WWOX: variants seen among roughly 807,000 people sequenced by gnomAD.
WWOX encodes WW domain-containing oxidoreductase.
WWOX carries 69 observed loss-of-function variants against 46.2 expected under a neutral mutation model. The ratio of observed to expected loss-of-function variants is 1.49; its 90% CI spans 1.23 to 1.82. The LOEUF (loss-of-function observed/expected upper bound fraction) is 1.82. Ranked by LOEUF, WWOX falls within the 40% of genes most tolerant of loss-of-function variation. The pLI, the probability that WWOX is intolerant of heterozygous loss-of-function variation, is 0.00. For synonymous variants in WWOX, 359 were observed against 202.6 expected (o/e 1.77, Z -6.56); for missense variants, 919 against 542.6 (o/e 1.69, Z -6.89).
chr16:78,801,578 C>G (rs565201441), intron 8 of WWOX, among the ~76,000 whole-genome samples: 37 of 152,262 alleles, frequency 2.4e-4, no homozygotes, highest in African/African-American at 8.2e-4. Flanking sequence ...TTGAATGCAG[C>G]CAAAGTCCTT....
At chr16:79,068,871 C>G (rs552354626) in intron 8 of WWOX, among the ~76,000 whole-genome samples, 4 of 147,384 alleles carry the variant, frequency 2.7e-5, no homozygotes, top group Non-Finnish European at 6.0e-5. Flanking sequence ...ATAAAGAAAG[C>G]GAGAGAGGAG....
chr16:78,318,603 T>C (rs1047573881), intron 5 of WWOX, among the ~76,000 whole-genome samples: 2 of 152,188 alleles, frequency 1.3e-5, no homozygotes, highest in East Asian at 3.8e-4. Context: ...CCTTCCATTT[T>C]CTCAGTTGTA....
At chr16:78,616,262 T>C (rs2046022372) in intron 8 of WWOX, among the ~76,000 whole-genome samples, 1 of 151,876 alleles carries the variant, frequency 6.6e-6, no homozygotes, top group Admixed American at 6.5e-5. Flanking sequence ...TTTGTCTTAG[T>C]TTTTTTGGGC....
intron 5 of WWOX, among the ~76,000 whole-genome samples, chr16:78,300,796 C>A (rs577165000): frequency 1.3e-5 from 2 of 152,244 alleles, no homozygotes; most frequent in South Asian, 2.1e-4. Context: ...TGGGACAGCT[C>A]TTAGGGATTT....
chr16:78,575,636 T>G (rs2044859804), intron 8 of WWOX, among the ~76,000 whole-genome samples: 1 of 152,168 alleles, frequency 6.6e-6, no homozygotes, highest in Non-Finnish European at 1.5e-5. Flanking sequence ...CTGTGTGCCA[T>G]TAGAGACCAT....
chr16:78,770,896 A>G (rs2142518816), intron 8 of WWOX, among the ~76,000 whole-genome samples: 1 of 152,350 alleles, frequency 6.6e-6, no homozygotes, highest in African/African-American at 2.4e-5. Context: ...CTATGGGAAA[A>G]TAGGCAGAGC....
chr16:78,103,929 A>G (rs1481883733), intron 1 of WWOX, among the ~76,000 whole-genome samples: 2 of 151,306 alleles, frequency 1.3e-5, no homozygotes, highest in African/African-American at 4.9e-5. Context: ...ATGTCCTAGC[A>G]CTCCAAAGCC....
intron 8 of WWOX, among the ~76,000 whole-genome samples, chr16:78,576,300 A>C (rs2044878385): frequency 1.3e-5 from 2 of 152,246 alleles, no homozygotes; most frequent in Admixed American, 6.5e-5. Context: ...CAGAACTCAC[A>C]AAATGTCCAG....
chr16:79,162,923 C>G lies in WWOX; in HGVS notation c.1057-48685C>G, dbSNP rs576799912. On this transcript the variant is annotated intron_variant, in intron 8 of 8. Coordinates refer to ENST00000566780, the MANE Select transcript of WWOX (RefSeq NM_016373.4). ...CTCTGTAATTCATCTCAGCAACCAT[C>G]TTTCCCATCTCTGGGAAGAGAATGT... Among the ~76,000 whole-genome samples, 28 of 152,352 alleles carry G rather than the reference C, an allele frequency of 1.8e-4. No individual in the cohort carries two copies. The South Asian group carries it at 5.8e-3, about 32-fold the overall frequency.
intron 8 of WWOX, among the ~76,000 whole-genome samples, chr16:79,031,470 A>T (rs893405379): frequency 2.6e-5 from 4 of 152,016 alleles, no homozygotes; most frequent in Non-Finnish European, 5.9e-5. Flanking sequence ...TTGTGGGTCC[A>T]TGTTAATGTA....
chr16:79,070,638 A>C (rs542868851), intron 8 of WWOX, among the ~76,000 whole-genome samples: 61 of 152,284 alleles, frequency 4.0e-4, no homozygotes, highest in African/African-American at 1.4e-3. Flanking sequence ...GAGGCACAGA[A>C]GTTCAGGGCG....
intron 8 of WWOX, among the ~76,000 whole-genome samples, chr16:78,496,862 A>C (rs1336226490): frequency 1.3e-5 from 2 of 152,270 alleles, no homozygotes; most frequent in East Asian, 1.9e-4. Flanking sequence ...TGCCATGTGC[A>C]TGGAAGGAGA....
intron 5 of WWOX, among the ~76,000 whole-genome samples, chr16:78,307,381 C>T (rs543743186): frequency 1.1e-3 from 172 of 152,168 alleles, no homozygotes; most frequent in African/African-American, 4.0e-3. Flanking sequence ...GGGAGATGAA[C>T]CTGAATTACC....
At chr16:79,063,218 G>A (rs191250300) in intron 8 of WWOX, among the ~76,000 whole-genome samples, 224 of 152,300 alleles carry the variant, frequency 1.5e-3, no homozygotes, top group Non-Finnish European at 2.4e-3. Flanking sequence ...AATAGACCTC[G>A]AGGTATTTTG....
At chr16:78,645,899 T>C (rs1319901658) in intron 8 of WWOX, among the ~76,000 whole-genome samples, 1 of 152,192 alleles carries the variant, frequency 6.6e-6, no homozygotes, top group Non-Finnish European at 1.5e-5. Flanking sequence ...GGAGGCCACC[T>C]GTGTTCCTTG....
intron 5 of WWOX, among the ~76,000 whole-genome samples, chr16:78,244,395 GA>G (rs1157706660): frequency 6.6e-6 from 1 of 152,076 alleles, no homozygotes; most frequent in Non-Finnish European, 1.5e-5. Context: ...GACTCCTGCT[GA>G]TGATGGGGAA....
intron 8 of WWOX, among the ~76,000 whole-genome samples, chr16:78,603,799 C>T (rs952078143): frequency 1.3e-5 from 2 of 152,124 alleles, no homozygotes; most frequent in African/African-American, 2.4e-5. Flanking sequence ...TGGGGACAGA[C>T]AAGTGACTGA....
intron 8 of WWOX, among the ~76,000 whole-genome samples, chr16:79,116,444 C>A (rs1320509279): frequency 6.6e-6 from 1 of 152,216 alleles, no homozygotes; most frequent in Non-Finnish European, 1.5e-5. Context: ...ATTTCAACAA[C>A]ATTCATGACG....
chr16:78,920,085 A>C (rs1466727707), intron 8 of WWOX, among the ~76,000 whole-genome samples: 2 of 152,170 alleles, frequency 1.3e-5, no homozygotes, highest in Non-Finnish European at 2.9e-5. Context: ...CATAGCTTGC[A>C]AAAACAAAGA....
Sources: allele counts gnomAD v4.1 joint callset (sites outside exome capture counted in the v4.1 genomes callset), GRCh38; gene constraint gnomAD v4.1.1; transcripts MANE v1.5; gene names NCBI Gene and HGNC (gene_info 2026-07-23, HGNC 2026-07-21).